ADGRG7: variants seen among roughly 807,000 people sequenced by gnomAD.
ADGRG7 encodes adhesion G protein-coupled receptor G7.
In ADGRG7, 82 loss-of-function variants were observed where a neutral mutation model predicts 88.6. The observed-to-expected ratio is 0.93, with a 90% CI of 0.77 to 1.11. The LOEUF (loss-of-function observed/expected upper bound fraction) is 1.11, where lower values mean the gene tolerates loss of function less well. Ranked by LOEUF, ADGRG7 falls within the 50% of genes most tolerant of loss-of-function variation. The pLI, the probability that ADGRG7 is intolerant of heterozygous loss-of-function variation, is 0.00. For missense variants in ADGRG7, 945 were observed against 953.4 expected (o/e 0.99, Z 0.12); for synonymous variants, 381 against 345.2 (o/e 1.10, Z -1.15).
At chr3:100,657,166 TA>T (rs772145532) in intron 13 of ADGRG7, among the ~76,000 whole-genome samples, 8 of 152,070 alleles carry the variant, frequency 5.3e-5, no homozygotes, top group South Asian at 2.1e-4. Context: ...AGGCAACTGA[TA>T]ATAAGAGAAG....
intron 11 of ADGRG7, among the ~76,000 whole-genome samples, chr3:100,650,056 A>G (rs1053027424): frequency 6.6e-6 from 1 of 152,240 alleles, no homozygotes; most frequent in Non-Finnish European, 1.5e-5. Flanking sequence ...TGTAAAATTT[A>G]TGTGGTCCTG....
At chr3:100,660,952 CA>C (rs112296437) in intron 14 of ADGRG7, among the ~76,000 whole-genome samples, 5,711 of 96,756 alleles carry the variant, frequency 0.059, 368 homozygotes, top group East Asian at 0.4. Flanking sequence ...AACTCCATCT[CA>C]AAAAAAAAAA....
intron 10 of ADGRG7, among the ~76,000 whole-genome samples, chr3:100,648,610 G>T (rs961492813): frequency 2.0e-5 from 3 of 152,060 alleles, no homozygotes; most frequent in Non-Finnish European, 2.9e-5. Flanking sequence ...GCAAACCCCT[G>T]TATGTTTGTG....
chr3:100,628,812 C>A (rs541107364), intron 1 of ADGRG7, among the ~76,000 whole-genome samples: 1 of 152,158 alleles, frequency 6.6e-6, no homozygotes, highest in Non-Finnish European at 1.5e-5. Context: ...TTCTTAGAGT[C>A]ACTGCTTGAG....
At chr3:100,678,009 T>G (rs1576337080) in intron 15 of ADGRG7, among the ~76,000 whole-genome samples, 1 of 152,150 alleles carries the variant, frequency 6.6e-6, no homozygotes, top group Non-Finnish European at 1.5e-5. Context: ...TGAATAAACT[T>G]TCTACACTGA....
At chr3:100,658,622 C>T (rs2094940711) in intron 13 of ADGRG7, among the ~76,000 whole-genome samples, 1 of 152,118 alleles carries the variant, frequency 6.6e-6, no homozygotes, top group Non-Finnish European at 1.5e-5. Context: ...ACACCCTTCC[C>T]CATCATCTAC....
At chr3:100,644,099 G>T (rs564555713) in intron 8 of ADGRG7, among the ~76,000 whole-genome samples, 1 of 151,806 alleles carries the variant, frequency 6.6e-6, no homozygotes, top group Non-Finnish European at 1.5e-5. Context: ...TCCTCTCTGT[G>T]GTGCCCACCA....
At chr3:100,653,187 T>C (rs1197374245) in intron 11 of ADGRG7, among the ~76,000 whole-genome samples, 1 of 152,230 alleles carries the variant, frequency 6.6e-6, no homozygotes, top group East Asian at 1.9e-4. Flanking sequence ...ATTAGTCTAC[T>C]TAAATTATAA....
chr3:100,654,661 G>A lies in ADGRG7; in HGVS notation c.1380-174G>A, dbSNP rs77297485. On this transcript the variant is annotated intron_variant, in intron 11 of 15. Transcript: ENST00000273352. ...ACTTTGTGGAAATGATAAGAGGAAA[G>A]TATAGTTTTCTGATGTAATCGAGAA... The A allele has an allele frequency of 8.0e-5, 43 of 536,098 alleles. No homozygotes were observed. The East Asian group carries it at 1.1e-3, about 14-fold the overall frequency. The allele number at this position is 536,098 out of a possible 1,614,324, so 33.2% of individuals were successfully genotyped here.
At chr3:100,669,214 C>T (rs2094955326) in intron 15 of ADGRG7, 109 bp downstream of exon 15, 5 of 800,766 alleles carry the variant, frequency 6.2e-6, no homozygotes, top group Non-Finnish European at 8.9e-6. Context: ...AGGCCAGGCG[C>T]GGTGGCTCAC....
chr3:100,648,297 G>C (rs572877467), intron 10 of ADGRG7, among the ~76,000 whole-genome samples: 1 of 100,696 alleles, frequency 9.9e-6, no homozygotes, highest in Non-Finnish European at 2.2e-5. Context: ...TTTTTTAAAT[G>C]GCTGATTAAA....
intron 14 of ADGRG7, among the ~76,000 whole-genome samples, chr3:100,664,729 T>C (rs1489125782): frequency 2.6e-5 from 4 of 152,208 alleles, no homozygotes; most frequent in African/African-American, 7.2e-5. Context: ...CACAATCTAA[T>C]ATATCCACAT....
intron 15 of ADGRG7, among the ~76,000 whole-genome samples, chr3:100,681,671 T>C (rs928148774): frequency 7.2e-5 from 11 of 152,280 alleles, no homozygotes; most frequent in Admixed American, 2.6e-4. Flanking sequence ...CCTCCTCCCA[T>C]AGTGAACATT....
At chr3:100,637,525 A>G (rs924136730) in intron 6 of ADGRG7, 123 bp downstream of exon 6, 1 of 684,470 alleles carries the variant, frequency 1.5e-6, no homozygotes, top group Non-Finnish European at 2.5e-6. Context: ...ATTCCTCTGG[A>G]ATGTAGATAA....
chr3:100,684,999 A>T (rs889636009), intron 15 of ADGRG7, among the ~76,000 whole-genome samples: 2 of 152,142 alleles, frequency 1.3e-5, no homozygotes, highest in East Asian at 1.9e-4. Context: ...ATAATACTAG[A>T]TTATGTTTGA....
intron 14 of ADGRG7, chr3:100,665,305 CT>C: frequency 1.8e-6 from 1 of 540,800 alleles, no homozygotes; most frequent in South Asian, 1.4e-5. Flanking sequence ...GGTAGTTCAT[CT>C]TTAAGTTCAT....
At chr3:100,658,447 C>G (rs2094940470) in intron 13 of ADGRG7, among the ~76,000 whole-genome samples, 1 of 152,172 alleles carries the variant, frequency 6.6e-6, no homozygotes, top group South Asian at 2.1e-4. Flanking sequence ...CACGTCATGT[C>G]TCTCCATCTT....
At chr3:100,663,131 T>C (rs1230933508) in intron 14 of ADGRG7, among the ~76,000 whole-genome samples, 1 of 151,920 alleles carries the variant, frequency 6.6e-6, no homozygotes, top group East Asian at 1.9e-4. Context: ...TTAAAGAGAG[T>C]AGGGGAACTA....
intron 15 of ADGRG7, among the ~76,000 whole-genome samples, chr3:100,684,922 C>A (rs2094979663): frequency 6.6e-6 from 1 of 151,852 alleles, no homozygotes; most frequent in East Asian, 1.9e-4. Flanking sequence ...TTTGTTGGTA[C>A]AATTTAAAAT....
Sources: gnomAD v4.1 joint callset for allele counts (sites outside exome capture counted in the v4.1 genomes callset) on GRCh38, gnomAD v4.1.1 for gene constraint, MANE v1.5 for transcripts, NCBI Gene and HGNC (gene_info 2026-07-23, HGNC 2026-07-21) for gene names.